CDKAL1: variants seen among roughly 807,000 people sequenced by gnomAD.
CDKAL1 encodes the protein threonylcarbamoyladenosine tRNA methylthiotransferase.
In CDKAL1, 32 loss-of-function variants were observed where a neutral mutation model predicts 68.2. The ratio of observed to expected loss-of-function variants is 0.47; its 90% confidence interval spans 0.35 to 0.63. The LOEUF (loss-of-function observed/expected upper bound fraction) is 0.63, where lower values mean the gene tolerates loss of function less well. Among genes scored for constraint, CDKAL1 ranks in the 30% least tolerant of loss-of-function variants. The pLI is 0.00. For synonymous variants in CDKAL1, 234 were observed against 244.3 expected, an observed-to-expected ratio of 0.96 and a Z score of 0.39; for missense variants, 606 against 696.7, an observed-to-expected ratio of 0.87 and a Z score of 1.47.
intron 5 of CDKAL1, among the ~76,000 whole-genome samples, chr6:20,717,243 G>A (rs1483435896): frequency 2.6e-5 from 4 of 151,934 alleles, no homozygotes; most frequent in Non-Finnish European, 5.9e-5. Context: ...CTTGGCAGGG[G>A]TTGGGAAGAT....
intron 13 of CDKAL1, among the ~76,000 whole-genome samples, chr6:21,130,127 G>A (rs534018566): frequency 6.7e-5 from 10 of 149,636 alleles, no homozygotes; most frequent in African/African-American, 1.7e-4. Flanking sequence ...GATTTTTAAT[G>A]TTTGCATTTC....
At chr6:20,799,864 A>G (rs1776294457) in intron 8 of CDKAL1, 1 of 152,244 alleles carries the variant, frequency 6.6e-6, no homozygotes, top group African/African-American at 2.4e-5. Context: ...ACTTGTGCCT[A>G]TAAAAACTGT....
intron 3 of CDKAL1, among the ~76,000 whole-genome samples, chr6:20,547,335 CTG>C (rs1310127977): frequency 1.3e-5 from 2 of 152,076 alleles, no homozygotes; most frequent in African/African-American, 4.8e-5. Flanking sequence ...ATATGTAAGT[CTG>C]TGTTATTTCC....
chr6:20,785,844 A>T (rs13210599), intron 8 of CDKAL1, among the ~76,000 whole-genome samples: 49 of 152,266 alleles, frequency 3.2e-4, no homozygotes, highest in African/African-American at 1.1e-3. Flanking sequence ...CTTTTATTGT[A>T]TGTATTAGTA....
At chr6:21,171,107 A>G (rs569906175) in intron 13 of CDKAL1, among the ~76,000 whole-genome samples, 15 of 152,276 alleles carry the variant, frequency 9.9e-5, no homozygotes, top group Admixed American at 1.3e-4. Flanking sequence ...ATTAATCACT[A>G]TGGTCCAGCA....
rs1038004561 is a variant in CDKAL1 at position 20,712,701 on chromosome 6, A to G, written c.372-26818A>G. Among the ~76,000 whole-genome samples, 7 of 152,018 alleles carry G rather than the reference A, an allele frequency of 4.6e-5. No homozygotes were observed. In the East Asian group the frequency reaches 9.7e-4, roughly 21 times the overall value. On this transcript the variant is annotated intron_variant, in intron 5 of 15. Coordinates refer to ENST00000274695, the MANE Select transcript of CDKAL1 (RefSeq NM_017774.3). ...ACTCTGTCGCCCATGCTGGAGCGCA[A>G]TGGCACAATCTCGGCTCACTGCAAC...
chr6:20,941,640 A>G (rs948138324), intron 9 of CDKAL1, among the ~76,000 whole-genome samples: 3 of 152,212 alleles, frequency 2.0e-5, no homozygotes, highest in South Asian at 2.1e-4. Flanking sequence ...ACTAGGATCT[A>G]TTTTTAGTGA....
At chr6:21,014,577 C>T (rs539287777) in intron 11 of CDKAL1, among the ~76,000 whole-genome samples, 1 of 151,616 alleles carries the variant, frequency 6.6e-6, no homozygotes, top group Non-Finnish European at 1.5e-5. Context: ...CGCCACTGCA[C>T]TCCAGCCTGG....
chr6:20,576,997 T>A (rs1764941340), intron 4 of CDKAL1, among the ~76,000 whole-genome samples: 1 of 152,256 alleles, frequency 6.6e-6, no homozygotes, highest in African/African-American at 2.4e-5. Flanking sequence ...ACAATTTTTT[T>A]GTAGTGTATT....
chr6:21,031,258 C>T (rs991432096), intron 11 of CDKAL1, among the ~76,000 whole-genome samples: 1 of 151,820 alleles, frequency 6.6e-6, no homozygotes, highest in African/African-American at 2.4e-5. Context: ...GTGACCCCCA[C>T]AGATCGTTTA....
intron 11 of CDKAL1, among the ~76,000 whole-genome samples, chr6:21,047,935 AG>A (rs1382958597): frequency 1.3e-5 from 2 of 152,212 alleles, no homozygotes; most frequent in Non-Finnish European, 2.9e-5. Flanking sequence ...GATTGTTCAG[AG>A]AGAAAGTATT....
chr6:20,952,553 G>C (rs1017787585), intron 9 of CDKAL1, among the ~76,000 whole-genome samples: 4 of 152,206 alleles, frequency 2.6e-5, no homozygotes, highest in Non-Finnish European at 4.4e-5. Flanking sequence ...AAGAGCTGAA[G>C]GGCACACGGT....
At chr6:20,834,864 A>G (rs1777864009) in intron 8 of CDKAL1, among the ~76,000 whole-genome samples, 1 of 152,188 alleles carries the variant, frequency 6.6e-6, no homozygotes, top group African/African-American at 2.4e-5. Context: ...AGGCAAGTCC[A>G]TTCTCTCTTG....
At chr6:20,888,526 C>T in intron 9 of CDKAL1, among the ~76,000 whole-genome samples, 1 of 109,514 alleles carries the variant, frequency 9.1e-6, no homozygotes, top group Non-Finnish European at 1.9e-5. Context: ...CCCCCTCCCC[C>T]CACCCCACAA....
intron 9 of CDKAL1, among the ~76,000 whole-genome samples, chr6:20,868,644 G>A (rs1760031233): frequency 6.6e-6 from 1 of 152,224 alleles, no homozygotes; most frequent in African/African-American, 2.4e-5. Flanking sequence ...ACCTGCCAGG[G>A]CTAGCGGAGG....
chr6:21,099,522 C>T (rs1291333984), intron 12 of CDKAL1, among the ~76,000 whole-genome samples: 1 of 152,080 alleles, frequency 6.6e-6, no homozygotes, highest in East Asian at 1.9e-4. Context: ...TCATATTTTG[C>T]CAACCATTGA....
intron 9 of CDKAL1, among the ~76,000 whole-genome samples, chr6:20,886,655 A>G (rs998656667): frequency 6.6e-6 from 1 of 152,254 alleles, no homozygotes; most frequent in Non-Finnish European, 1.5e-5. Context: ...CAAATATTGT[A>G]TGATCCCATT....
At chr6:20,943,207 A>G (rs1340015323) in intron 9 of CDKAL1, among the ~76,000 whole-genome samples, 1 of 150,240 alleles carries the variant, frequency 6.7e-6, no homozygotes, top group Admixed American at 6.7e-5. Context: ...TCTCCATTAC[A>G]CTCTGGCTTG....
chr6:20,918,354 T>G (rs1023868071), intron 9 of CDKAL1, among the ~76,000 whole-genome samples: 2 of 152,208 alleles, frequency 1.3e-5, no homozygotes, highest in Admixed American at 6.5e-5. Context: ...CATTCAACTA[T>G]CACAAACTTT....
Sources: allele counts gnomAD v4.1 joint callset (sites outside exome capture counted in the v4.1 genomes callset), GRCh38; gene constraint gnomAD v4.1.1; transcripts MANE v1.5; gene names NCBI Gene and HGNC (gene_info 2026-07-23, HGNC 2026-07-21).